The following ERI3 variants were observed in gnomAD, a reference collection of about 807,000 sequenced individuals.
ERI3 encodes ERI1 exoribonuclease 3.
A neutral mutation model predicts 44.4 loss-of-function variants in ERI3; 18 were observed. The ratio of observed to expected loss-of-function variants is 0.41; its 90% confidence interval spans 0.28 to 0.60. The LOEUF is 0.60. Among genes scored for constraint, ERI3 ranks in the 20% least tolerant of loss-of-function variants. ERI3 has a pLI of 0.36. For missense variants in ERI3, 294 were observed against 435.5 expected (o/e 0.68, Z 2.89); for synonymous variants, 183 against 164.8 (o/e 1.11, Z -0.84).
intron 7 of ERI3, among the ~76,000 whole-genome samples, chr1:44,255,034 T>TA (rs1644754093): frequency 6.6e-6 from 1 of 152,168 alleles, no homozygotes; most frequent in Non-Finnish European, 1.5e-5. Flanking sequence ...ATGGGGGTTA[T>TA]AATAGTTTCT....
chr1:44,319,136 T>C (rs1646148402), intron 4 of ERI3, among the ~76,000 whole-genome samples: 1 of 152,228 alleles, frequency 6.6e-6, no homozygotes, highest in Non-Finnish European at 1.5e-5. Context: ...GGTCTCATGC[T>C]TCACTGAGAC....
intron 3 of ERI3, among the ~76,000 whole-genome samples, chr1:44,330,519 T>A (rs1007204681): frequency 1.3e-5 from 2 of 152,244 alleles, no homozygotes; most frequent in Non-Finnish European, 2.9e-5. Flanking sequence ...TCTGATTTAC[T>A]TCCTTTCTGA....
At chr1:44,261,154 G>T (rs1182283124) in intron 7 of ERI3, among the ~76,000 whole-genome samples, 1 of 152,252 alleles carries the variant, frequency 6.6e-6, no homozygotes, top group Non-Finnish European at 1.5e-5. Flanking sequence ...TAAAAGCAAT[G>T]ATGTCTCCAA....
intron 2 of ERI3, among the ~76,000 whole-genome samples, chr1:44,341,516 T>C (rs1646652063): frequency 6.6e-6 from 1 of 152,186 alleles, no homozygotes; most frequent in Admixed American, 6.5e-5. Flanking sequence ...CAGAGCATAC[T>C]ATATATACCC....
intron 2 of ERI3, among the ~76,000 whole-genome samples, chr1:44,348,044 G>A (rs1269210793): frequency 2.6e-5 from 4 of 152,156 alleles, no homozygotes; most frequent in Non-Finnish European, 5.9e-5. Flanking sequence ...GTAAGCAAGA[G>A]TAAATGTTTG....
intron 6 of ERI3, among the ~76,000 whole-genome samples, chr1:44,305,587 A>G (rs1645815915): frequency 6.6e-6 from 1 of 152,242 alleles, no homozygotes; most frequent in Admixed American, 6.5e-5. Flanking sequence ...AACTTGGAGA[A>G]TCAACTCATC....
intron 3 of ERI3, among the ~76,000 whole-genome samples, chr1:44,335,329 T>C (rs573855573): frequency 2.7e-4 from 40 of 149,448 alleles, no homozygotes; most frequent in African/African-American, 9.4e-4. Context: ...CACTCCAGCC[T>C]GGGCAACGGA....
chr1:44,232,119 AT>A (rs1302783356), intron 8 of ERI3, among the ~76,000 whole-genome samples: 3 of 152,196 alleles, frequency 2.0e-5, no homozygotes, highest in Non-Finnish European at 2.9e-5. Flanking sequence ...AAATCCCCTT[AT>A]TTAAGATATT....
chr1:44,283,940 A>AC (rs771659037), intron 7 of ERI3: 3 of 463,150 alleles, frequency 6.5e-6, no homozygotes, highest in South Asian at 1.6e-5. Context: ...ACCTAGCCTC[A>AC]CCCCCCTTGA....
chr1:44,317,134 G>A (rs938254604), intron 4 of ERI3, among the ~76,000 whole-genome samples: 25 of 113,704 alleles, frequency 2.2e-4, no homozygotes, highest in Non-Finnish European at 4.0e-4. Context: ...CATGTCATAC[G>A]CATGTGCGTG....
rs76908187 is a variant in ERI3, at chr1:44,323,558, C to T, written c.490-3814G>A. Reference sequence around the variant, plus strand: ...CAGAGATGAATACAATGAAAGGTGGCTCCTCTCTCTGAGATGCTCAAGTCT... The same window carrying T: ...CAGAGATGAATACAATGAAAGGTGGTTCCTCTCTCTGAGATGCTCAAGTCT... On this transcript the variant is annotated intron_variant, in intron 3 of 8. Coordinates refer to ENST00000372257, the MANE Select transcript of ERI3 (RefSeq NM_024066.3). 9.0e-4 allele frequency among the ~76,000 whole-genome samples: 137 copies of T among 152,344 alleles called. 2 individuals carry two copies. The East Asian group carries it at 0.011, about 12-fold the overall frequency.
At chr1:44,309,484 G>A (rs1265434771) in intron 5 of ERI3, among the ~76,000 whole-genome samples, 1 of 151,946 alleles carries the variant, frequency 6.6e-6, no homozygotes, top group Non-Finnish European at 1.5e-5. Flanking sequence ...GACAGAGCGA[G>A]ACTCTGTAAA....
At chr1:44,237,241 C>T (rs1043097391) in intron 8 of ERI3, among the ~76,000 whole-genome samples, 4 of 152,204 alleles carry the variant, frequency 2.6e-5, no homozygotes, top group Non-Finnish European at 5.9e-5. Flanking sequence ...TCACCTCCCA[C>T]AAAGGAGCAT....
At chr1:44,296,510 T>C (rs1302560084) in intron 6 of ERI3, among the ~76,000 whole-genome samples, 1 of 152,186 alleles carries the variant, frequency 6.6e-6, no homozygotes, top group African/African-American at 2.4e-5. Flanking sequence ...AAATTGACTA[T>C]GGCAATTGAA....
intron 6 of ERI3, among the ~76,000 whole-genome samples, chr1:44,292,739 C>T (rs1645534563): frequency 6.6e-6 from 1 of 152,232 alleles, no homozygotes; most frequent in Non-Finnish European, 1.5e-5. Flanking sequence ...TGCCCCCACA[C>T]TTGCCCCCTT....
chr1:44,260,198 C>T (rs1160211236), intron 7 of ERI3, among the ~76,000 whole-genome samples: 1 of 152,232 alleles, frequency 6.6e-6, no homozygotes, highest in African/African-American at 2.4e-5. Flanking sequence ...GAAACAGACA[C>T]AGAAACCAGT....
intron 6 of ERI3, among the ~76,000 whole-genome samples, chr1:44,304,424 G>A (rs908235539): frequency 6.6e-5 from 10 of 152,190 alleles, no homozygotes; most frequent in African/African-American, 2.4e-4. Flanking sequence ...AAGTGACTGA[G>A]GAGGAGAAGC....
chr1:44,315,239 C>A (rs900339605), intron 4 of ERI3, among the ~76,000 whole-genome samples: 4 of 152,204 alleles, frequency 2.6e-5, no homozygotes, highest in African/African-American at 7.2e-5. Context: ...TTGGCTCCCA[C>A]CAAGGGTCTC....
intron 7 of ERI3, among the ~76,000 whole-genome samples, chr1:44,266,444 G>A (rs1302270522): frequency 1.3e-5 from 2 of 152,224 alleles, no homozygotes; most frequent in African/African-American, 4.8e-5. Context: ...GATTTTTCAA[G>A]TAGAGAAGAT....
Sources: gnomAD v4.1 joint callset for allele counts (sites outside exome capture counted in the v4.1 genomes callset) on GRCh38, gnomAD v4.1.1 for gene constraint, MANE v1.5 for transcripts, NCBI Gene and HGNC (gene_info 2026-07-23, HGNC 2026-07-21) for gene names.